Variants in DAPK2 observed in about 807,000 individuals in gnomAD.
The protein encoded by DAPK2 is death-associated protein kinase 2.
In DAPK2, 35 loss-of-function variants were observed where a neutral mutation model predicts 44.1. The observed-to-expected ratio is 0.79, with a 90% CI of 0.61 to 1.05. The LOEUF (loss-of-function observed/expected upper bound fraction) is 1.05, where lower values mean the gene tolerates loss of function less well. DAPK2 is among the 50% of genes least tolerant of loss of function. The pLI, the probability that DAPK2 is intolerant of heterozygous loss-of-function variation, is 0.00. For synonymous variants in DAPK2, 174 were observed against 182.6 expected (o/e 0.95, Z 0.38); for missense variants, 453 against 483.2 (o/e 0.94, Z 0.59).
Position 63,967,755 on chromosome 15 carries a change from G to C in DAPK2, c.453+3668C>G, listed in dbSNP as rs547220359. 2.0e-5 allele frequency among the ~76,000 whole-genome samples: 3 copies of C among 152,348 alleles called. No individual in the cohort carries two copies. The East Asian group carries it at 5.8e-4, about 29-fold the overall frequency. On this transcript the variant is annotated intron_variant, in intron 3 of 10. Coordinates refer to ENST00000261891, the Ensembl canonical transcript of DAPK2. ...CGAGGCTAGGAGCATGTGGTGAGCA[G>C]GGACAGAGCCTGACTGTCCATTGCA...
Position 63,908,480 on chromosome 15 carries a change from G to A in DAPK2, c.*40C>T, listed in dbSNP as rs1310771494. 7.0e-7 allele frequency: 1 copy of A among 1,438,690 alleles called. No individual in the cohort carries two copies. Among genetic ancestry groups the A allele is most frequent in the South Asian group, 1.3e-5 (1 of 78,526 alleles). 89.1% of individuals were successfully genotyped at this position (1,438,690 alleles called of 1,614,324 possible). On this transcript the variant is annotated 3_prime_UTR_variant, in exon 11 of 11. Transcript: ENST00000261891. This position sits in a 1 kb window ranked among gnomAD's most constrained non-coding sequence, Gnocchi z 5.7. ...AGTCTGCACAGAAGGGAGCCCCGCT[G>A]GGCCCAGACCTCCCTGGCGGCCACT...
chr15:63,958,730 A>G, intron 3 of DAPK2, among the ~76,000 whole-genome samples: 1 of 152,208 alleles, frequency 6.6e-6, no homozygotes, highest in African/African-American at 2.4e-5. Flanking sequence ...TTTTGGTACC[A>G]GTACCATGCT....
chr15:63,921,260 G>A (rs1235706672), intron 8 of DAPK2: 1 of 152,226 alleles, frequency 6.6e-6, no homozygotes, highest in Non-Finnish European at 1.5e-5. Flanking sequence ...GTAAACTTCT[G>A]GAGCCTGGCG....
At chr15:63,971,346 A>G in intron 3 of DAPK2, 77 bp downstream of exon 4, 2 of 1,555,136 alleles carry the variant, frequency 1.3e-6, no homozygotes, top group Non-Finnish European at 8.8e-7. Flanking sequence ...CACTGGGCCC[A>G]TCCTGGGAAA....
chr15:63,920,525 G>A (rs980812009), intron 8 of DAPK2: 2 of 152,054 alleles, frequency 1.3e-5, no homozygotes, highest in Non-Finnish European at 2.9e-5. Context: ...TTATCACCAC[G>A]GTTTCTCATA....
intron 1 of DAPK2, among the ~76,000 whole-genome samples, chr15:64,025,220 C>G (rs542794924): frequency 6.6e-6 from 1 of 152,286 alleles, no homozygotes; most frequent in Admixed American, 6.5e-5. Context: ...TAAGTTAGTT[C>G]AATCTCTAAG....
chr15:63,952,945 C>G (rs1235663489), intron 3 of DAPK2, among the ~76,000 whole-genome samples: 2 of 151,750 alleles, frequency 1.3e-5, no homozygotes, highest in Non-Finnish European at 2.9e-5. Context: ...CTTCCCCCCA[C>G]CCCTGGCCTG....
chr15:63,973,881 C>A (rs555957272), intron 2 of DAPK2, among the ~76,000 whole-genome samples: 2 of 152,282 alleles, frequency 1.3e-5, no homozygotes, highest in Non-Finnish European at 2.9e-5. Context: ...TTTCCCTTCT[C>A]CAGGCAGGCC....
At chr15:64,040,268 C>T (rs776020375), upstream of DAPK2, 3 of 1,613,368 alleles carry the variant, frequency 1.9e-6, no homozygotes, top group South Asian at 2.2e-5. Context: ...ACATACAATC[C>T]TGAAATGGGA....
At chr15:64,007,381 C>T (rs985825884) in intron 1 of DAPK2, among the ~76,000 whole-genome samples, 3 of 152,032 alleles carry the variant, frequency 2.0e-5, no homozygotes, top group Non-Finnish European at 2.9e-5. Context: ...TCCCCCCAGT[C>T]TTCCTTCCTC....
chr15:63,913,471 C>T (rs1042838475), intron 8 of DAPK2, among the ~76,000 whole-genome samples: 5 of 152,178 alleles, frequency 3.3e-5, no homozygotes, highest in African/African-American at 1.2e-4. Context: ...AGAAAATGAA[C>T]TGCCTAGAAT....
rs1174595626 is a variant in DAPK2, at chr15:64,020,323, A to G, written c.92+19847T>C. On this transcript the variant is annotated intron_variant, in intron 1 of 10. Transcript: ENST00000261891. The surrounding 1 kb of genome is among the most constrained non-coding windows in gnomAD (Gnocchi z 4.5). Reference sequence around the variant, plus strand: ...GTTGAATGCATCAACATGAAGAAACAGCTGAGAAGGCAGTGGGGGATAGAA... The same window carrying G: ...GTTGAATGCATCAACATGAAGAAACGGCTGAGAAGGCAGTGGGGGATAGAA... 1.3e-5 allele frequency among the ~76,000 whole-genome samples: 2 copies of G among 152,230 alleles called. No individual in the cohort carries two copies. Among genetic ancestry groups the G allele is most frequent in the Non-Finnish European group, 1.5e-5 (1 of 68,038 alleles).
intron 3 of DAPK2, among the ~76,000 whole-genome samples, chr15:63,957,095 G>A (rs2077745111): frequency 6.6e-6 from 1 of 152,192 alleles, no homozygotes; most frequent in Non-Finnish European, 1.5e-5. Context: ...TGAAAGCAAG[G>A]TCCTCCAATG....
At chr15:64,004,099 T>C (rs897051304) in intron 1 of DAPK2, among the ~76,000 whole-genome samples, 65 of 152,250 alleles carry the variant, frequency 4.3e-4, no homozygotes, top group African/African-American at 1.5e-3. Context: ...TCTCTCTCTC[T>C]CCCTTCCCAG....
chr15:64,032,751 G>T (rs1478192284), intron 1 of DAPK2, among the ~76,000 whole-genome samples: 1 of 152,122 alleles, frequency 6.6e-6, no homozygotes, highest in African/African-American at 2.4e-5. Flanking sequence ...AGGAGTTCAA[G>T]ACCAGCCTGG....
intron 2 of DAPK2, among the ~76,000 whole-genome samples, chr15:63,976,424 G>T (rs1296464283): frequency 6.6e-6 from 1 of 152,096 alleles, no homozygotes; most frequent in Non-Finnish European, 1.5e-5. Context: ...CTTTGCGTAA[G>T]AATTGAAATG....
intron 3 of DAPK2, among the ~76,000 whole-genome samples, chr15:63,947,514 T>G (rs117998112): frequency 0.03 from 4,577 of 152,338 alleles, 96 homozygotes; most frequent in South Asian, 0.092. Context: ...TGGCTAAGCA[T>G]GCACGCCTTG....
chr15:63,991,222 G>A (rs1237497257), intron 1 of DAPK2: 2 of 456,296 alleles, frequency 4.4e-6, no homozygotes, highest in Non-Finnish European at 8.8e-6. Flanking sequence ...AGGAGGAAAA[G>A]TTTACCAAAG....
At chr15:63,940,947 G>A (rs1196202133) in intron 3 of DAPK2, among the ~76,000 whole-genome samples, 1 of 151,926 alleles carries the variant, frequency 6.6e-6, no homozygotes, top group Non-Finnish European at 1.5e-5. Context: ...GGAGTACAAG[G>A]TTTCTTTTCT....
Sources: allele counts gnomAD v4.1 joint callset (sites outside exome capture counted in the v4.1 genomes callset), GRCh38; gene constraint gnomAD v4.1.1; non-coding constraint Gnocchi (gnomAD v3.1); transcripts MANE v1.5; gene names NCBI Gene and HGNC (gene_info 2026-07-23, HGNC 2026-07-21).